Variants in SLC18A1 observed in about 807,000 individuals in gnomAD.
The protein encoded by SLC18A1 is solute carrier family 18 member A1, also known as chromaffin granule amine transporter.
Under a neutral mutation model 53.7 loss-of-function variants are expected in SLC18A1, and 69 were observed. That is an observed-to-expected ratio of 1.28 (90% CI 1.06 to 1.57). The LOEUF is 1.57. SLC18A1 is among the 40% of genes most tolerant of loss of function. SLC18A1 has a pLI of 0.00. For synonymous variants in SLC18A1, 320 were observed against 248.1 expected (o/e 1.29, Z -2.72); for missense variants, 932 against 668.1 (o/e 1.40, Z -4.35).
At position 20,179,183 on chromosome 8, in the gene SLC18A1, C is replaced by T; in HGVS notation, c.426G>A (p.Leu142=). The change falls in exon 3 of 16, where the codon CTG becomes CTA. Residue 142 remains leucine (L), a synonymous_variant. Transcript: ENST00000276373. ...LEEEITRVGV[L]FASKAVMQLL... ...GTTGCATCACAGCCTTTGAAGCAAA[C>T]AGAACCCCGACCCGGGTAATCTCTT... 6.2e-7 allele frequency: 1 copy of T among 1,614,182 alleles called. No individual in the cohort carries two copies. Among genetic ancestry groups the T allele is most frequent in the Non-Finnish European group, 8.5e-7 (1 of 1,180,030 alleles).
rs557033623 is a variant in SLC18A1, at chr8:20,154,342, T to C, written c.1016-3598A>G. On this transcript the variant is annotated intron_variant, in intron 10 of 15. Coordinates refer to ENST00000276373, the MANE Select transcript of SLC18A1 (RefSeq NM_003053.4). ...ACCTGGATATTGAAGTCACCAAAAA[T>C]GGTGACAGGAGTAGAGGTGAAAAGA... Among the ~76,000 whole-genome samples, 168 of 152,174 alleles carry C rather than the reference T, an allele frequency of 1.1e-3. 1 individual carries two copies. Among genetic ancestry groups the C allele is most frequent in the Middle Eastern group, 6.8e-3 (2 of 294 alleles).
At position 20,174,582 on chromosome 8, in the gene SLC18A1, G is replaced by GT. The variant is rs1442323111; in HGVS notation, c.548-139dup. The GT allele has an allele frequency of 1.1e-4, 65 of 617,438 alleles. 1 individual carries two copies. In the Admixed American group the frequency reaches 1.7e-3, roughly 16 times the overall value. 38.2% of individuals were successfully genotyped at this position (617,438 alleles called of 1,614,324 possible). Reference sequence around the variant, plus strand: ...TAATAAAGCATGATGACTGTTCCCTGTTTTTTGAGTTGTCTTTTCAATCTC... The same window carrying GT: ...TAATAAAGCATGATGACTGTTCCCTGTTTTTTTGAGTTGTCTTTTCAATCTC... On this transcript the variant is annotated intron_variant, in intron 4 of 15. Coordinates refer to ENST00000276373, the MANE Select transcript of SLC18A1 (RefSeq NM_003053.4).
chr8:20,178,402 T>C (rs370296658), intron 4 of SLC18A1, 33 bp downstream of exon 4: 28 of 1,563,608 alleles, frequency 1.8e-5, no homozygotes, highest in African/African-American at 6.9e-5. Flanking sequence ...AGGTAATCAG[T>C]GAAGGGAAGA....
chr8:20,170,061 G>C (rs991895686), intron 8 of SLC18A1, among the ~76,000 whole-genome samples: 3 of 152,152 alleles, frequency 2.0e-5, no homozygotes, highest in Non-Finnish European at 2.9e-5. Context: ...AGGCCTGGGA[G>C]CCTGTGCAGA....
intron 2 of SLC18A1, 65 bp downstream of exon 2, chr8:20,180,776 G>T: frequency 6.3e-7 from 1 of 1,597,366 alleles, no homozygotes; most frequent in Non-Finnish European, 8.6e-7. Flanking sequence ...AACTCAAGCA[G>T]GGTGTACACT....
At chr8:20,159,183 C>A (rs1259230171) in intron 10 of SLC18A1, among the ~76,000 whole-genome samples, 1 of 152,092 alleles carries the variant, frequency 6.6e-6, no homozygotes, top group Non-Finnish European at 1.5e-5. Context: ...TCGAAAGCAC[C>A]CCTCTCAAGG....
rs10560327 is a variant in SLC18A1, at chr8:20,178,121, A to AACACACACACACAC, written c.547+300_547+313dup. On this transcript the variant is annotated intron_variant, in intron 4 of 15. Transcript: ENST00000276373. ...TGCTCAAGGGATTACTGATGCATAT[A>AACACACACACACAC]ACACACACACACACACACACACACA... 3.4e-3 allele frequency among the ~76,000 whole-genome samples: 499 copies of AACACACACACACAC among 148,830 alleles called. 1 individual carries two copies. Among genetic ancestry groups the AACACACACACACAC allele is most frequent in the Middle Eastern group, 6.8e-3 (2 of 292 alleles).
At chr8:20,171,363 G>A (rs1319251553) in intron 7 of SLC18A1, 42 bp downstream of exon 7, 1 of 1,545,514 alleles carries the variant, frequency 6.5e-7, no homozygotes, top group Admixed American at 1.7e-5. Flanking sequence ...TTCCCAACCT[G>A]ACCTGGGCTG....
intron 12 of SLC18A1, 43 bp downstream of exon 12, chr8:20,149,633 G>C: frequency 8.5e-7 from 1 of 1,177,322 alleles, no homozygotes; most frequent in Non-Finnish European, 1.2e-6. Context: ...TCTGTCTCTC[G>C]CTCTCTCTCT....
chr8:20,157,680 G>A (rs2071717510), intron 10 of SLC18A1, among the ~76,000 whole-genome samples: 1 of 152,204 alleles, frequency 6.6e-6, no homozygotes, highest in Admixed American at 6.5e-5. Context: ...TCAGTCAGCT[G>A]CAGATATTAG....
chr8:20,149,577 TCTCTCTCTCTCC>T (rs1196396011), intron 12 of SLC18A1, 87 bp downstream of exon 12: 17 of 991,092 alleles, frequency 1.7e-5, no homozygotes, highest in African/African-American at 1.5e-4. Flanking sequence ...TGTCTTTCTC[TCTCTCTCTCTCC>T]CTCTCTCTCT....
At chr8:20,180,749 A>C in intron 2 of SLC18A1, 92 bp downstream of exon 2, 2 of 1,500,508 alleles carry the variant, frequency 1.3e-6, no homozygotes, top group Non-Finnish European at 1.8e-6. Flanking sequence ...GAAAATTCTC[A>C]GATGGATTCA....
intron 3 of SLC18A1, among the ~76,000 whole-genome samples, 174 bp from the exon 4 acceptor site, chr8:20,178,667 A>C (rs979362201): frequency 6.6e-6 from 1 of 152,206 alleles, no homozygotes. Context: ...ATGAGCAAAC[A>C]AACAAACATG....
chr8:20,164,915 C>G lies in SLC18A1; in HGVS notation c.969G>C (p.Leu323=). 6.2e-7 allele frequency: 1 copy of G among 1,613,882 alleles called. No homozygotes were observed. The highest frequency in any genetic ancestry group is 8.5e-7 in the Non-Finnish European group (1 of 1,179,788). ...ACATGGTCTGCATCATCCAGATGGG[C>G]AGTGTGGGCTCCAGGATGGCCACCC... ...NMGVAILEPT[L]PIWMMQTMCS... is the part of the protein sequence containing the mutation. Residue 323 remains leucine (L), a synonymous_variant, in exon 10 of 16, where the codon CTG becomes CTC. Coordinates refer to ENST00000276373, the MANE Select transcript of SLC18A1 (RefSeq NM_003053.4).
chr8:20,177,906 T>C (rs919038561), intron 4 of SLC18A1, among the ~76,000 whole-genome samples: 1 of 152,232 alleles, frequency 6.6e-6, no homozygotes, highest in Middle Eastern at 3.2e-3. Flanking sequence ...TTTGTCTTTC[T>C]CTTTCTTGTT....
At chr8:20,151,847 G>A (rs1204143326) in intron 10 of SLC18A1, among the ~76,000 whole-genome samples, 2 of 152,112 alleles carry the variant, frequency 1.3e-5, no homozygotes, top group South Asian at 4.1e-4. Flanking sequence ...CCATGTGTCA[G>A]GTATTCTGGG....
chr8:20,169,665 G>C (rs930371903), intron 8 of SLC18A1, among the ~76,000 whole-genome samples: 1 of 152,146 alleles, frequency 6.6e-6, no homozygotes, highest in African/African-American at 2.4e-5. Flanking sequence ...GATCACTTGA[G>C]CTCAGGAGTT....
intron 8 of SLC18A1, among the ~76,000 whole-genome samples, chr8:20,166,665 TA>T (rs1442969480): frequency 6.6e-6 from 1 of 151,384 alleles, no homozygotes; most frequent in Non-Finnish European, 1.5e-5. Context: ...TAATGTCCTA[TA>T]TATTAAAAAA....
At chr8:20,145,921 T>TCA in intron 15 of SLC18A1, 45 bp from the exon 16 acceptor site, 1 of 228,590 alleles carries the variant, frequency 4.4e-6, no homozygotes, top group Non-Finnish European at 6.6e-6. Context: ...ATTATTATCA[T>TCA]TTTTTTTTTT....
Sources: allele counts gnomAD v4.1 joint callset (sites outside exome capture counted in the v4.1 genomes callset), GRCh38; gene constraint gnomAD v4.1.1; transcripts MANE v1.5; gene names NCBI Gene and HGNC (gene_info 2026-07-23, HGNC 2026-07-21).